The following ZNG1B variants were observed in gnomAD, a reference collection of about 807,000 sequenced individuals.
ZNG1B encodes the protein zinc-regulated GTPase metalloprotein activator 1B.
the ZNG1B span, among the ~76,000 whole-genome samples, chr2:113,478,569 C>T: frequency 6.6e-6 from 1 of 152,084 alleles, no homozygotes; most frequent in Non-Finnish European, 1.5e-5. Flanking sequence ...GTGTAGGCCA[C>T]CACACCCAGC....
the ZNG1B span, chr2:113,495,217 A>C: frequency 6.6e-7 from 1 of 1,510,806 alleles, no homozygotes; most frequent in Non-Finnish European, 8.9e-7. Context: ...TGGAAGGATG[A>C]CACTGAGAGA....
At chr2:113,447,226 G>A in the ZNG1B span, among the ~76,000 whole-genome samples, 3 of 99,720 alleles carry the variant, frequency 3.0e-5, no homozygotes, top group South Asian at 9.5e-4. Context: ...AGGCTGCAGT[G>A]AGTCATGATT....
At chr2:113,452,044 C>T in the ZNG1B span, among the ~76,000 whole-genome samples, 11 of 152,086 alleles carry the variant, frequency 7.2e-5, no homozygotes, top group Non-Finnish European at 1.3e-4. Flanking sequence ...AGTTGTTTCC[C>T]GTTTTGGAGA....
chr2:113,451,389 A>G, the ZNG1B span, among the ~76,000 whole-genome samples: 9 of 142,440 alleles, frequency 6.3e-5, no homozygotes, highest in Admixed American at 2.1e-4. Context: ...TTTTATTTTT[A>G]TTTTTTGTTT....
At chr2:113,437,829 C>T in the ZNG1B span, 2 of 1,610,690 alleles carry the variant, frequency 1.2e-6, no homozygotes, top group East Asian at 2.2e-5. Flanking sequence ...CGTGTTGGTC[C>T]CAGCGGTTCA....
chr2:113,448,682 A>G, the ZNG1B span, among the ~76,000 whole-genome samples: 1 of 152,194 alleles, frequency 6.6e-6, no homozygotes. Flanking sequence ...AGGTGGGCAG[A>G]TAACGAGTTC....
the ZNG1B span, chr2:113,445,648 A>G: frequency 1.3e-5 from 2 of 149,184 alleles, no homozygotes; most frequent in Admixed American, 6.7e-5. Context: ...GTTTCTAACA[A>G]TGGGTTTCTG....
chr2:113,452,015 A>G, the ZNG1B span, among the ~76,000 whole-genome samples: 1 of 151,988 alleles, frequency 6.6e-6, no homozygotes, highest in Admixed American at 6.6e-5. Context: ...AAAGTGAACA[A>G]AATTCTTATT....
At chr2:113,461,273 G>A in the ZNG1B span, among the ~76,000 whole-genome samples, 6 of 150,754 alleles carry the variant, frequency 4.0e-5, no homozygotes, top group African/African-American at 1.5e-4. Flanking sequence ...GTAGAGATGG[G>A]GTTTCACCAT....
the ZNG1B span, chr2:113,460,720 G>A: frequency 1.9e-6 from 3 of 1,593,628 alleles, no homozygotes; most frequent in East Asian, 4.5e-5. Flanking sequence ...AAGCTACTAG[G>A]TATTCATATT....
chr2:113,474,621 C>T, the ZNG1B span, among the ~76,000 whole-genome samples: 1 of 137,134 alleles, frequency 7.3e-6, no homozygotes, highest in Non-Finnish European at 1.6e-5. Context: ...CTGTTGTGGG[C>T]ATTTAGTGCT....
chr2:113,449,090 C>G, the ZNG1B span, among the ~76,000 whole-genome samples: 1 of 151,602 alleles, frequency 6.6e-6, no homozygotes, highest in African/African-American at 2.4e-5. Context: ...CCTCTGCTAC[C>G]TTCCAACTTT....
chr2:113,484,837 A>AT, the ZNG1B span, among the ~76,000 whole-genome samples: 159 of 103,702 alleles, frequency 1.5e-3, 1 homozygote, highest in South Asian at 0.012. Flanking sequence ...TAATTTTTGT[A>AT]TTTTTTTTTT....
At chr2:113,445,019 T>G in the ZNG1B span, 1 of 1,610,648 alleles carries the variant, frequency 6.2e-7, no homozygotes, top group Non-Finnish European at 8.5e-7. Context: ...GAAATTTGAT[T>G]ACATACTGTT....
chr2:113,473,005 T>C, the ZNG1B span, among the ~76,000 whole-genome samples: 1 of 150,766 alleles, frequency 6.6e-6, no homozygotes, highest in Admixed American at 6.6e-5. Context: ...TAAAGTAGTT[T>C]TTTCCAATTC....
At chr2:113,445,017 A>G in the ZNG1B span, 4 of 1,610,844 alleles carry the variant, frequency 2.5e-6, no homozygotes, top group Non-Finnish European at 2.5e-6. Flanking sequence ...GGGAAATTTG[A>G]TTACATACTG....
chr2:113,458,700 TA>T, the ZNG1B span, among the ~76,000 whole-genome samples: 2 of 129,996 alleles, frequency 1.5e-5, no homozygotes, highest in African/African-American at 5.9e-5. Context: ...ATATCATTTT[TA>T]TGCCTCACAA....
chr2:113,446,775 CACACACACACACACACATTCAT>C, the ZNG1B span, among the ~76,000 whole-genome samples: 1 of 53,384 alleles, frequency 1.9e-5, no homozygotes, highest in African/African-American at 8.1e-5. Flanking sequence ...TGCACACGCA[CACACACACACACACACATTCAT>C]ACACACACAC....
At chr2:113,440,623 C>A in the ZNG1B span, among the ~76,000 whole-genome samples, 2 of 151,782 alleles carry the variant, frequency 1.3e-5, no homozygotes, top group Non-Finnish European at 2.9e-5. Flanking sequence ...TAGTTATATA[C>A]TAGAAAACTT....
Sources: gnomAD v4.1 joint callset for allele counts (sites outside exome capture counted in the v4.1 genomes callset) on GRCh38, gnomAD v4.1.1 for gene constraint, MANE v1.5 for transcripts, NCBI Gene and HGNC (gene_info 2026-07-23, HGNC 2026-07-21) for gene names.